Variants in EGFR observed in about 807,000 individuals in gnomAD.
The protein encoded by EGFR is epidermal growth factor receptor.
Under a neutral mutation model 143.0 loss-of-function variants are expected in EGFR, and 58 were observed. That is an observed-to-expected ratio of 0.41 (90% CI 0.33 to 0.50). The LOEUF (loss-of-function observed/expected upper bound fraction) is 0.50. Ranked by LOEUF, EGFR falls within the 20% of genes least tolerant of loss-of-function variation. The probability of loss-of-function intolerance (pLI) is 0.39; values close to 1 mark genes in which losing one functional copy is unlikely to be tolerated. For synonymous variants in EGFR, 613 were observed against 594.4 expected (o/e 1.03, Z -0.45); for missense variants, 1,307 against 1,579.0 (o/e 0.83, Z 2.92).
chr7:55,093,726 A>G (rs187602381), intron 1 of EGFR, among the ~76,000 whole-genome samples: 1 of 152,262 alleles, frequency 6.6e-6, no homozygotes, highest in Non-Finnish European at 1.5e-5. Flanking sequence ...GGTGGATGGC[A>G]TTTTGTTTTG....
At chr7:55,134,582 A>G (rs1794034227) in intron 1 of EGFR, among the ~76,000 whole-genome samples, 2 of 152,262 alleles carry the variant, frequency 1.3e-5, no homozygotes, top group Admixed American at 6.5e-5. Context: ...TTGAATACAT[A>G]ACAGATCAAC....
At chr7:55,202,941 A>ATGTGTGTGTGTG in intron 27 of EGFR, 1 of 614,288 alleles carries the variant, frequency 1.6e-6, no homozygotes, top group East Asian at 2.8e-5. Flanking sequence ...ACATCTGTGT[A>ATGTGTGTGTGTG]TGTGTGTGTG....
chr7:55,102,333 G>C (rs1008773918), intron 1 of EGFR, among the ~76,000 whole-genome samples: 1 of 152,050 alleles, frequency 6.6e-6, no homozygotes, highest in Non-Finnish European at 1.5e-5. Flanking sequence ...AGCCACCTTC[G>C]ACCTCCAGCA....
At chr7:55,115,915 A>T (rs764371286) in intron 1 of EGFR, among the ~76,000 whole-genome samples, 1 of 152,216 alleles carries the variant, frequency 6.6e-6, no homozygotes, top group Non-Finnish European at 1.5e-5. Context: ...GATTATGCGG[A>T]GAGAGATGCA....
rs1788535517 is a variant in EGFR, at chr7:55,052,282, G to A, written c.88+32917G>A. Among the ~76,000 whole-genome samples, 4 of 152,178 alleles carry A rather than the reference G, an allele frequency of 2.6e-5. No homozygotes were observed. In the South Asian group the frequency reaches 8.3e-4, roughly 32 times the overall value. On this transcript the variant is annotated intron_variant, in intron 1 of 27. Coordinates refer to ENST00000275493, the MANE Select transcript of EGFR (RefSeq NM_005228.5). ...AGGGTCAGCTTCCTGCCTTGCATGA[G>A]ACACACATTCCCTTCTTCATGCACA...
At chr7:55,198,387 T>C (rs988048987) in intron 22 of EGFR, among the ~76,000 whole-genome samples, 1 of 152,188 alleles carries the variant, frequency 6.6e-6, no homozygotes, top group Non-Finnish European at 1.5e-5. Flanking sequence ...GCATAATACT[T>C]ATGCTAGTAG....
In EGFR at chr7:55,209,546, GT is replaced by G. The variant is rs1344324992; in HGVS notation, c.*3930del. ...AACACCTGTTGAAATTGCCCTCAATGTCTACTCTGCATTTCTTTCTTGTGAT... is the reference window on the plus strand; with the variant it reads ...AACACCTGTTGAAATTGCCCTCAATGCTACTCTGCATTTCTTTCTTGTGAT... On this transcript the variant is annotated 3_prime_UTR_variant, in exon 28 of 28. Coordinates refer to ENST00000275493, the MANE Select transcript of EGFR (RefSeq NM_005228.5). 15 of 152,154 alleles carry G rather than the reference GT, an allele frequency of 9.9e-5. No individual in the cohort carries two copies. Among genetic ancestry groups the G allele is most frequent in the Admixed American group, 8.5e-4 (13 of 15,280 alleles). The allele number at this position is 152,154 out of a possible 1,614,324, so 9.4% of individuals were successfully genotyped here. A position where few individuals can be genotyped will look rare whatever the true frequency, so the allele number is the denominator to read the frequency against.
rs185023939 is a variant in EGFR at position 55,146,749 on chromosome 7, C to T, written c.559+9C>T. The T allele has an allele frequency of 2.5e-6, 4 of 1,614,078 alleles. No homozygotes were observed. The Admixed American group carries it at 5.0e-5, about 20-fold the overall frequency. ...GAACCACCTGGGCAGCTGTAAGTGTCGCATACACACTATCTCTGCCTCCAG... is the reference window on the plus strand; with the variant it reads ...GAACCACCTGGGCAGCTGTAAGTGTTGCATACACACTATCTCTGCCTCCAG... On this transcript the variant is annotated intron_variant, in intron 4 of 27. Coordinates refer to ENST00000275493, the MANE Select transcript of EGFR (RefSeq NM_005228.5).
chr7:55,179,084 G>A (rs150781885), intron 19 of EGFR, among the ~76,000 whole-genome samples: 3 of 152,218 alleles, frequency 2.0e-5, no homozygotes, highest in Admixed American at 6.5e-5. Context: ...AGTGTGTGCC[G>A]GGTGATCCGA....
intron 1 of EGFR, among the ~76,000 whole-genome samples, chr7:55,032,143 C>T (rs12538489): frequency 0.16 from 24,337 of 152,076 alleles, 2,114 homozygotes; most frequent in African/African-American, 0.21. Flanking sequence ...GCCCTATGTC[C>T]CATTCACAAG....
chr7:55,131,957 A>AG (rs1793866557), intron 1 of EGFR, among the ~76,000 whole-genome samples: 2 of 150,744 alleles, frequency 1.3e-5, no homozygotes, highest in African/African-American at 4.9e-5. Flanking sequence ...AAAAAAAAAA[A>AG]GAAGCACACT....
At chr7:55,143,930 T>C (rs1794613303) in intron 3 of EGFR, among the ~76,000 whole-genome samples, 1 of 152,140 alleles carries the variant, frequency 6.6e-6, no homozygotes. Flanking sequence ...CAGAAAGCCC[T>C]GTGTAAGTTA....
At chr7:55,194,557 T>A (rs193092072) in intron 22 of EGFR, among the ~76,000 whole-genome samples, 1 of 152,190 alleles carries the variant, frequency 6.6e-6, no homozygotes, top group Non-Finnish European at 1.5e-5. Flanking sequence ...CCTCCAGGTA[T>A]GTTCAGATAA....
intron 13 of EGFR, 75 bp from the exon 14 acceptor site, chr7:55,163,658 T>G (rs989492193): frequency 1.5e-6 from 2 of 1,303,028 alleles, no homozygotes; most frequent in Non-Finnish European, 2.2e-6. Context: ...TTATTTGGAA[T>G]TTTGAAGAGG....
At chr7:55,084,593 G>T (rs1790650937) in intron 1 of EGFR, among the ~76,000 whole-genome samples, 1 of 152,156 alleles carries the variant, frequency 6.6e-6, no homozygotes, top group Non-Finnish European at 1.5e-5. Flanking sequence ...TAATAAAGCT[G>T]GACAAGCTTC....
chr7:55,196,363 G>T (rs1406075801), intron 22 of EGFR, among the ~76,000 whole-genome samples: 2 of 151,372 alleles, frequency 1.3e-5, no homozygotes, highest in African/African-American at 2.4e-5. Context: ...CTTTTTAATG[G>T]GATTGTTTAA....
rs185543125 is a variant in EGFR, at chr7:55,197,005, T to C, written c.2702-1712T>C. 8.6e-4 allele frequency among the ~76,000 whole-genome samples: 131 copies of C among 152,292 alleles called. 1 individual carries two copies. Among genetic ancestry groups the C allele is most frequent in the Middle Eastern group, 3.4e-3 (1 of 294 alleles). On this transcript the variant is annotated intron_variant, in intron 22 of 27. Coordinates refer to ENST00000275493, the MANE Select transcript of EGFR (RefSeq NM_005228.5). Reference sequence around the variant, plus strand: ...TTGGCAATTCAGGCTCTTTTTTGGTTCCATGTGAATTTTTAAATTGTATTT... The same window carrying C: ...TTGGCAATTCAGGCTCTTTTTTGGTCCCATGTGAATTTTTAAATTGTATTT...
Position 55,164,617 on chromosome 7 carries a change from G to A in EGFR, c.1723-663G>A, listed in dbSNP as rs552797946. On this transcript the variant is annotated intron_variant, in intron 14 of 27. Transcript: ENST00000275493. The stretch of plus-strand genomic sequence containing the variant: ...ATTATGCTGGCTCTGGGCACACACA[G>A]CCCTTGAGTGGACAAAACCAACATG... Among the ~76,000 whole-genome samples, 13 of 152,312 alleles carry A rather than the reference G, an allele frequency of 8.5e-5. No homozygotes were observed. In the South Asian group the frequency reaches 2.7e-3, roughly 32 times the overall value.
intron 27 of EGFR, among the ~76,000 whole-genome samples, chr7:55,204,231 TAC>T (rs869288401): frequency 4.7e-5 from 6 of 128,666 alleles, no homozygotes; most frequent in Middle Eastern, 5.5e-3. Context: ...TACACAAACG[TAC>T]ACACACACCA....
Sources: gnomAD v4.1 joint callset for allele counts (sites outside exome capture counted in the v4.1 genomes callset) on GRCh38, gnomAD v4.1.1 for gene constraint, MANE v1.5 for transcripts, NCBI Gene and HGNC (gene_info 2026-07-23, HGNC 2026-07-21) for gene names.